The following ARHGAP6 variants were observed in gnomAD, a reference collection of about 807,000 sequenced individuals.
ARHGAP6 encodes rho GTPase-activating protein 6.
In ARHGAP6, 16 loss-of-function variants were observed where a neutral mutation model predicts 55.7. The observed-to-expected ratio is 0.29, with a 90% confidence interval of 0.19 to 0.44. The LOEUF (loss-of-function observed/expected upper bound fraction) is 0.44. ARHGAP6 is among the 20% of genes least tolerant of loss of function. The pLI is 1.00. For synonymous variants in ARHGAP6, 382 were observed against 360.9 expected, an observed-to-expected ratio of 1.06 and a Z score of -0.66; for missense variants, 698 against 808.9, an observed-to-expected ratio of 0.86 and a Z score of 1.66.
At chrX:11,293,064 T>G (rs917434519) in intron 1 of ARHGAP6, among the ~76,000 whole-genome samples, 2 of 112,487 alleles carry the variant, frequency 1.8e-5, no homozygotes, top group African/African-American at 3.2e-5. Context: ...CTCAACCACC[T>G]ACCTTGATTT....
Position 11,493,191 on chromosome X carries a change from A to G in ARHGAP6, c.588+171050T>C, listed in dbSNP as rs73486520. Among the ~76,000 whole-genome samples the G allele has an allele frequency of 6.6e-3, 749 of 112,673 alleles. 6 individuals are homozygous for G. Among genetic ancestry groups the G allele is most frequent in the African/African-American group, 0.023 (705 of 31,030 alleles). On this transcript the variant is annotated intron_variant, in intron 1 of 12. Transcript: ENST00000337414. ...CACATTATAATATAAAAAGTATATC[A>G]TACTATGTATGTGTCTGTATATGCA...
intron 1 of ARHGAP6, among the ~76,000 whole-genome samples, chrX:11,616,607 T>C (rs2052168432): frequency 9.0e-6 from 1 of 111,718 alleles, no homozygotes; most frequent in African/African-American, 3.3e-5. Context: ...GGATTACAGG[T>C]GTGAGCAACT....
At chrX:11,605,210 T>C (rs1481239618) in intron 1 of ARHGAP6, among the ~76,000 whole-genome samples, 3 of 111,543 alleles carry the variant, frequency 2.7e-5, no homozygotes, top group Non-Finnish European at 3.8e-5. Flanking sequence ...TTGAGTTCTC[T>C]GGTTAAGGCT....
intron 1 of ARHGAP6, among the ~76,000 whole-genome samples, chrX:11,505,267 A>G (rs1224651033): frequency 9.0e-6 from 1 of 111,377 alleles, no homozygotes; most frequent in Non-Finnish European, 1.9e-5. Context: ...TTGAGGTTTC[A>G]TACTATTATT....
chrX:11,517,292 T>C (rs1230033185), intron 1 of ARHGAP6, among the ~76,000 whole-genome samples: 1 of 111,851 alleles, frequency 8.9e-6, no homozygotes, highest in Non-Finnish European at 1.9e-5. Flanking sequence ...TACTGCCTTA[T>C]CTATTGGCCA....
rs755099474 is a variant in ARHGAP6, at chrX:11,664,402, G to A, written c.427C>T (p.Leu143=). The A allele has an allele frequency of 5.0e-6, 6 of 1,211,875 alleles. No homozygotes were observed. In the South Asian group the frequency reaches 1.1e-4, roughly 21 times the overall value. ...CTTCGGCTACTGGCTGGCCCGGCCA[G>A]GACAGAAGGCAGGTCCCAGGCCATG... ...KSMAWDLPSV[L]AGPASSRSAS... The change falls in exon 1 of 13, where the codon CTG becomes TTG. Residue 143 remains leucine, a synonymous_variant. Transcript: ENST00000337414.
At chrX:11,511,071 A>G (rs2050780823) in intron 1 of ARHGAP6, among the ~76,000 whole-genome samples, 1 of 111,590 alleles carries the variant, frequency 9.0e-6, no homozygotes, top group South Asian at 3.8e-4. Context: ...TATGTAAGTG[A>G]TTTTCCCCTA....
chrX:11,376,552 G>A (rs1260246248), intron 1 of ARHGAP6, among the ~76,000 whole-genome samples: 2 of 113,088 alleles, frequency 1.8e-5, no homozygotes, highest in Non-Finnish European at 3.7e-5. Context: ...CTGACACCTT[G>A]ATTTTAGCCT....
intron 1 of ARHGAP6, among the ~76,000 whole-genome samples, chrX:11,660,580 C>G: frequency 1.5e-5 from 1 of 68,621 alleles, no homozygotes; most frequent in South Asian, 8.7e-4. Flanking sequence ...AAAAAAAAAC[C>G]CAACAGGTCT....
intron 1 of ARHGAP6, among the ~76,000 whole-genome samples, chrX:11,257,231 G>C (rs2047504408): frequency 8.9e-6 from 1 of 112,040 alleles, no homozygotes; most frequent in African/African-American, 3.2e-5. Context: ...GGAGCTGACT[G>C]TTATTTGAAG....
intron 1 of ARHGAP6, among the ~76,000 whole-genome samples, chrX:11,264,224 A>G (rs1043300986): frequency 1.2e-4 from 12 of 102,798 alleles, no homozygotes; most frequent in African/African-American, 4.6e-4. Context: ...GAGAGCCTGT[A>G]AAAAAAAAAA....
chrX:11,360,980 AC>A (rs2049002077), intron 1 of ARHGAP6, among the ~76,000 whole-genome samples: 1 of 111,222 alleles, frequency 9.0e-6, no homozygotes, highest in African/African-American at 3.3e-5. Flanking sequence ...AGAACTACAA[AC>A]CACTGCTCAA....
At chrX:11,375,179 A>C (rs2049186568) in intron 1 of ARHGAP6, among the ~76,000 whole-genome samples, 1 of 112,099 alleles carries the variant, frequency 8.9e-6, no homozygotes, top group Non-Finnish European at 1.9e-5. Flanking sequence ...TGTATAACTT[A>C]GATCTTATTC....
intron 1 of ARHGAP6, among the ~76,000 whole-genome samples, chrX:11,560,411 T>C (rs1175067507): frequency 5.3e-5 from 6 of 112,626 alleles, no homozygotes; most frequent in African/African-American, 1.9e-4. Context: ...TAGTGTTTAA[T>C]GAAAGGAGAA....
At chrX:11,223,484 C>A (rs769410538) in intron 2 of ARHGAP6, among the ~76,000 whole-genome samples, 1 of 111,175 alleles carries the variant, frequency 9.0e-6, no homozygotes, top group South Asian at 3.8e-4. Context: ...AAGATGACCT[C>A]TTTTTGCCTT....
In ARHGAP6 at chrX:11,139,347, G is replaced by T. The variant is rs776934281; in HGVS notation, c.2441C>A (p.Ala814Glu). 8.5e-7 allele frequency: 1 copy of T among 1,179,073 alleles called. No homozygotes were observed. Among genetic ancestry groups the T allele is most frequent in the East Asian group, 3.1e-5 (1 of 31,816 alleles). Reference sequence around the variant, plus strand: ...GGGCGTGCTGCAGGCGCGCGACACCGCAGGGTGGGCCCTGCCCTCCGTCGC... The same window carrying T: ...GGGCGTGCTGCAGGCGCGCGACACCTCAGGGTGGGCCCTGCCCTCCGTCGC... Reference protein sequence around the residue: ...APATEGRAHPAVSRACSTPHV... With the variant: ...APATEGRAHPEVSRACSTPHV... Residue 814 changes from alanine to glutamate, a missense_variant, in exon 13 of 13, where the codon GCG becomes GAG. Around this residue, in one of 3 missense-constraint regions of ARHGAP6, gnomAD observed 212 missense variants for 208.7 expected, o/e 1.02. Transcript: ENST00000337414.
chrX:11,148,782 G>T (rs991097279), intron 10 of ARHGAP6: 2 of 336,862 alleles, frequency 5.9e-6, no homozygotes, highest in African/African-American at 5.2e-5. Context: ...ACCTTGCTGA[G>T]CTACCCCAGC....
chrX:11,665,113 T>G lies in ARHGAP6; in HGVS notation c.-285A>C. ...TCCGGAGCCCAAGACGCGAAGAGGG[T>G]CAGGAAGAGGAGGAGGAAGGTCAGG... On this transcript the variant is annotated 5_prime_UTR_variant, in exon 1 of 13. Coordinates refer to ENST00000337414, the MANE Select transcript of ARHGAP6 (RefSeq NM_013427.3). 3.7e-6 allele frequency: 1 copy of G among 270,712 alleles called. No homozygotes were observed. The highest frequency in any genetic ancestry group is 6.5e-6 in the Non-Finnish European group (1 of 154,719). 22.3% of individuals were successfully genotyped at this position (270,712 alleles called of 1,213,427 possible). A position where few individuals can be genotyped will look rare whatever the true frequency, so the allele number is the denominator to read the frequency against.
At chrX:11,559,334 G>C (rs910951097) in intron 1 of ARHGAP6, among the ~76,000 whole-genome samples, 1 of 111,024 alleles carries the variant, frequency 9.0e-6, no homozygotes, top group African/African-American at 3.3e-5. Flanking sequence ...CCTTCTGCCT[G>C]CCTGGAATGT....
Sources: allele counts gnomAD v4.1 joint callset (sites outside exome capture counted in the v4.1 genomes callset), GRCh38; gene constraint gnomAD v4.1.1; regional missense constraint gnomAD v4.1.1; transcripts MANE v1.5; gene names NCBI Gene and HGNC (gene_info 2026-07-23, HGNC 2026-07-21).